The following TASOR variants were observed in gnomAD, a reference collection of about 807,000 sequenced individuals.
The protein encoded by TASOR is transcription activation suppressor.
In TASOR, 53 loss-of-function variants were observed where a neutral mutation model predicts 178.6. That is an observed-to-expected ratio of 0.30 (90% CI 0.24 to 0.37). TASOR has a LOEUF of 0.37. Ranked by LOEUF, TASOR falls within the 10% of genes least tolerant of loss-of-function variation. The probability of loss-of-function intolerance (pLI) is 1.00; values close to 1 mark genes in which losing one functional copy is unlikely to be tolerated. For missense variants in TASOR, 1,815 were observed against 1,971.4 expected (o/e 0.92, Z 1.50); for synonymous variants, 713 against 696.2 (o/e 1.02, Z -0.38).
At position 56,670,174 on chromosome 3, in the gene TASOR, G is replaced by A. The variant is rs1292867877; in HGVS notation, c.571-29C>T. 6.8e-6 allele frequency: 9 copies of A among 1,328,522 alleles called. No homozygotes were observed. In the African/African-American group the frequency reaches 7.4e-5, roughly 11 times the overall value. The allele number at this position is 1,328,522 out of a possible 1,614,324, so 82.3% of individuals were successfully genotyped here. ...AATTTAAAAAAAAATACTTCATCTT[G>A]CAGTCATAACAACATTTAAAACATG... On this transcript the variant is annotated intron_variant, in intron 3 of 23. Coordinates refer to ENST00000683822, the MANE Select transcript of TASOR (RefSeq NM_001365635.2).
Position 56,635,686 on chromosome 3 carries a change from C to A in TASOR, c.2825-1720G>T, listed in dbSNP as rs79867769. On this transcript the variant is annotated intron_variant, in intron 17 of 23. Transcript: ENST00000683822. ...AGACATGGGGCCTCACTATGTTTCCCAGACTGGCCCTGAATTTCTGGCCTC... is the reference window on the plus strand; with the variant it reads ...AGACATGGGGCCTCACTATGTTTCCAAGACTGGCCCTGAATTTCTGGCCTC... Among the ~76,000 whole-genome samples, 733 of 152,184 alleles carry A rather than the reference C, an allele frequency of 4.8e-3. 6 individuals carry two copies. Among genetic ancestry groups the A allele is most frequent in the African/African-American group, 0.017 (687 of 41,528 alleles).
chr3:56,631,602 G>C (rs1399187583), intron 18 of TASOR, among the ~76,000 whole-genome samples: 3 of 70,624 alleles, frequency 4.2e-5, no homozygotes, highest in Non-Finnish European at 9.0e-5. Flanking sequence ...TTTTTTTTTT[G>C]AGATGGAGTC....
chr3:56,676,680 A>G (rs528625006), intron 1 of TASOR, among the ~76,000 whole-genome samples: 8 of 152,368 alleles, frequency 5.3e-5, no homozygotes, highest in Admixed American at 2.0e-4. Context: ...GTTAGTCTAC[A>G]TAAAAGAAAT....
In TASOR at chr3:56,625,723, C is replaced by T. The variant is rs375131668; in HGVS notation, c.4140-717G>A. Among the ~76,000 whole-genome samples the T allele has an allele frequency of 2.9e-3, 437 of 151,386 alleles. 6 individuals carry two copies. The highest frequency in any genetic ancestry group is 0.01 in the African/African-American group (418 of 41,236). On this transcript the variant is annotated intron_variant, in intron 21 of 23. Transcript: ENST00000683822. ...TTTTTGAGACAGAGTCTCACTCTGT[C>T]GCCGATTCTCCTGCCTCAGCTTCCC... is the stretch of plus-strand genomic sequence containing the variant.
chr3:56,635,230 T>C (rs1409780247), intron 17 of TASOR, among the ~76,000 whole-genome samples: 4 of 152,174 alleles, frequency 2.6e-5, no homozygotes, highest in African/African-American at 4.8e-5. Context: ...GCAAAGGCAA[T>C]TTGTCAGCAC....
At chr3:56,623,869 T>G (rs1195865427) in intron 23 of TASOR, 45 of 1,531,504 alleles carry the variant, frequency 2.9e-5, no homozygotes, top group Non-Finnish European at 3.9e-5. Flanking sequence ...AATTCAGTAT[T>G]TGACAAGACA....
chr3:56,668,651 A>G, intron 5 of TASOR, 93 bp from the exon 6 acceptor site: 1 of 933,902 alleles, frequency 1.1e-6, no homozygotes, highest in South Asian at 1.9e-5. Context: ...AATATAGATC[A>G]ACTATCCCAA....
chr3:56,655,612 T>G (rs900601728), intron 11 of TASOR, among the ~76,000 whole-genome samples: 6 of 151,890 alleles, frequency 4.0e-5, no homozygotes, highest in Non-Finnish European at 8.8e-5. Context: ...TATTAAAAAT[T>G]TTAAAAAATA....
At chr3:56,641,835 T>C in intron 14 of TASOR, 83 bp from the exon 15 acceptor site, 2 of 1,366,754 alleles carry the variant, frequency 1.5e-6, no homozygotes, top group South Asian at 1.5e-5. Context: ...TAAAAAATTA[T>C]CATAAAGCAT....
chr3:56,678,693 A>G (rs1349297494), intron 1 of TASOR, among the ~76,000 whole-genome samples: 2 of 152,210 alleles, frequency 1.3e-5, no homozygotes, highest in Non-Finnish European at 2.9e-5. Flanking sequence ...AGCTAAACTT[A>G]AAAGACATAT....
At position 56,641,630 on chromosome 3, in the gene TASOR, C is replaced by A; in HGVS notation, c.2338G>T (p.Ala780Ser). 1 of 1,614,122 alleles carries A rather than the reference C, an allele frequency of 6.2e-7. No individual in the cohort carries two copies. Among genetic ancestry groups the A allele is most frequent in the Non-Finnish European group, 8.5e-7 (1 of 1,180,040 alleles). Residue 780 changes from alanine to serine, a missense_variant, in exon 15 of 24, where the codon GCA becomes TCA. Physicochemically the swap from Ala to Ser is moderately conservative, Grantham distance 99. This residue lies in a region of TASOR where 655 missense variants were observed against 671.1 expected (regional missense o/e 0.98). Coordinates refer to ENST00000683822, the MANE Select transcript of TASOR (RefSeq NM_001365635.2). ...GATGCATCAGAATGGCGCGCATTTG[C>A]TAGTGTTTCTGATAACCAATTAAAC... ...RLFNWLSETL[A>S]NARHSDASLT...
At chr3:56,631,566 G>C (rs76073853) in intron 18 of TASOR, among the ~76,000 whole-genome samples, 1 of 145,378 alleles carries the variant, frequency 6.9e-6, no homozygotes, top group African/African-American at 2.6e-5. Flanking sequence ...GCGTGTGTGT[G>C]TGTGTCTGTG....
At chr3:56,628,107 A>G (rs1454478880) in intron 19 of TASOR, among the ~76,000 whole-genome samples, 3 of 152,238 alleles carry the variant, frequency 2.0e-5, no homozygotes, top group Non-Finnish European at 4.4e-5. Context: ...GGATGGAGAT[A>G]GGGCTCCTAA....
rs2076686031 is a variant in TASOR, at chr3:56,621,982, G to C, written c.*1055C>G. 6.4e-6 allele frequency: 1 copy of C among 155,424 alleles called. No homozygotes were observed. Among genetic ancestry groups the C allele is most frequent in the African/African-American group, 2.4e-5 (1 of 41,478 alleles). The allele number at this position is 155,424 out of a possible 1,614,324, so 9.6% of individuals were successfully genotyped here. A position where few individuals can be genotyped will look rare whatever the true frequency, so the allele number is the denominator to read the frequency against. The stretch of plus-strand genomic sequence containing the variant: ...ACTTAGGAACTGAAATACCACTCAT[G>C]CATTTGTTCTAAAGTGCCAAAGTTC... On this transcript the variant is annotated 3_prime_UTR_variant, in exon 24 of 24. Coordinates refer to ENST00000683822, the MANE Select transcript of TASOR (RefSeq NM_001365635.2).
intron 3 of TASOR, 72 bp from the exon 4 acceptor site, chr3:56,670,217 A>G: frequency 1.0e-6 from 1 of 961,500 alleles, no homozygotes. Context: ...AATTTTATAA[A>G]CTTGGTTTAA....
intron 3 of TASOR, among the ~76,000 whole-genome samples, chr3:56,671,164 C>T (rs1185494374): frequency 6.6e-6 from 1 of 151,762 alleles, no homozygotes; most frequent in Admixed American, 6.6e-5. Context: ...CATGGTGATA[C>T]CCCGTCTCTA....
chr3:56,646,955 A>G lies in TASOR; in HGVS notation c.1782T>C (p.Asn594=). The G allele has an allele frequency of 6.2e-7, 1 of 1,611,964 alleles. No individual in the cohort carries two copies. Among genetic ancestry groups the G allele is most frequent in the Non-Finnish European group, 8.5e-7 (1 of 1,179,566 alleles). ...GCAAACAAGTATCAATATGGGATTT[A>G]TTTCTGGGAGCTGAGTATAAGAATT... ...DKKFLYSAPR[N]KSHIDTCLHA... Residue 594 remains asparagine (N), a synonymous_variant, in exon 14 of 24, where the codon AAT becomes AAC. Coordinates refer to ENST00000683822, the MANE Select transcript of TASOR (RefSeq NM_001365635.2).
chr3:56,624,444 TGCG>T (rs759587986), intron 23 of TASOR, 32 bp downstream of exon 23: 7 of 1,596,150 alleles, frequency 4.4e-6, no homozygotes, highest in Non-Finnish European at 6.0e-6. Flanking sequence ...TTTTTCTGTC[TGCG>T]TTAAAGAAAA....
intron 3 of TASOR, 66 bp from the exon 4 acceptor site, chr3:56,670,211 T>G: frequency 3.0e-6 from 3 of 1,012,354 alleles, no homozygotes; most frequent in South Asian, 3.6e-5. Context: ...AAAAATAATT[T>G]TATAAACTTG....
Sources: allele counts gnomAD v4.1 joint callset (sites outside exome capture counted in the v4.1 genomes callset), GRCh38; gene constraint gnomAD v4.1.1; regional missense constraint gnomAD v4.1.1; transcripts MANE v1.5; gene names NCBI Gene and HGNC (gene_info 2026-07-23, HGNC 2026-07-21).